The following ATP8B4 variants were observed in gnomAD, a reference collection of about 807,000 sequenced individuals.
The protein encoded by ATP8B4 is probable phospholipid-transporting ATPase IM.
ATP8B4 carries 133 observed loss-of-function variants against 145.6 expected under a neutral mutation model. That is an observed-to-expected ratio of 0.91 (90% CI 0.79 to 1.05). The LOEUF (loss-of-function observed/expected upper bound fraction) is 1.05. Among genes scored for constraint, ATP8B4 ranks in the 50% least tolerant of loss-of-function variants. ATP8B4 has a pLI of 0.00. For synonymous variants in ATP8B4, 507 were observed against 492.9 expected (o/e 1.03, Z -0.38); for missense variants, 1,458 against 1,425.2 (o/e 1.02, Z -0.37).
intron 6 of ATP8B4, among the ~76,000 whole-genome samples, chr15:50,032,122 C>A (rs1020663058): frequency 2.0e-5 from 3 of 151,996 alleles, no homozygotes; most frequent in African/African-American, 7.2e-5. Flanking sequence ...ACCTATCAAC[C>A]CGTCATCTAG....
chr15:50,085,087 C>T (rs2054810805), intron 2 of ATP8B4, among the ~76,000 whole-genome samples: 1 of 152,106 alleles, frequency 6.6e-6, no homozygotes, highest in South Asian at 2.1e-4. Context: ...GACACAGAAG[C>T]CAGTTGTTAC....
rs546776668 is a variant in ATP8B4, at chr15:49,890,204, G to A, written c.2697+7088C>T. 1.0e-3 allele frequency among the ~76,000 whole-genome samples: 153 copies of A among 152,300 alleles called. 5 individuals are homozygous for A. The South Asian group carries it at 0.031, about 31-fold the overall frequency. ...CACCCAGTTTATTGTTGGTAAATGA[G>A]CAAGCATTCAGACCACAGGTTCTGC... is the stretch of plus-strand genomic sequence containing the variant. On this transcript the variant is annotated intron_variant, in intron 23 of 27. Coordinates refer to ENST00000284509, the MANE Select transcript of ATP8B4 (RefSeq NM_024837.4).
intron 9 of ATP8B4, among the ~76,000 whole-genome samples, chr15:49,992,914 T>TCCTA: frequency 6.6e-6 from 1 of 152,266 alleles, no homozygotes; most frequent in East Asian, 1.9e-4. Context: ...AATGTTGATA[T>TCCTA]CCTATTTTAA....
chr15:49,945,911 C>G (rs1189987878), intron 14 of ATP8B4, among the ~76,000 whole-genome samples: 1 of 152,100 alleles, frequency 6.6e-6, no homozygotes, highest in Non-Finnish European at 1.5e-5. Context: ...TGTCAAAAAA[C>G]TGAAAGCTTT....
intron 3 of ATP8B4, among the ~76,000 whole-genome samples, chr15:50,072,944 CTCTCTCTCT>C (rs2053860254): frequency 4.0e-5 from 1 of 25,276 alleles, no homozygotes; most frequent in Non-Finnish European, 6.9e-5. Context: ...CTCTCTCTCT[CTCTCTCTCT>C]CTCTCTCTCT....
chr15:49,863,947 G>A (rs917222443), intron 26 of ATP8B4, among the ~76,000 whole-genome samples: 31 of 152,130 alleles, frequency 2.0e-4, no homozygotes, highest in African/African-American at 6.5e-4. Flanking sequence ...ACTTTCTCCA[G>A]TTGAGGCATT....
At chr15:49,945,347 T>C (rs763388675) in intron 14 of ATP8B4, among the ~76,000 whole-genome samples, 2 of 152,130 alleles carry the variant, frequency 1.3e-5, no homozygotes, top group Admixed American at 6.5e-5. Context: ...ATAGCTAGTA[T>C]AGAGAGTGAA....
At position 50,040,089 on chromosome 15, in the gene ATP8B4, T is replaced by C. The variant is rs28460611; in HGVS notation, c.301-1260A>G. Among the ~76,000 whole-genome samples, 1,208 of 142,438 alleles carry C rather than the reference T, an allele frequency of 8.5e-3. 21 individuals are homozygous for C. The highest frequency in any genetic ancestry group is 0.03 in the African/African-American group (1,168 of 38,434). 93.4% of individuals were successfully genotyped at this position (142,438 alleles called of 152,430 possible). On this transcript the variant is annotated intron_variant, in intron 5 of 27. Coordinates refer to ENST00000284509, the MANE Select transcript of ATP8B4 (RefSeq NM_024837.4). ...TTGCTGAATATTCTCTCCTCCACCA[T>C]ATCTACACAGCATTCGTCTCCACTC... is the stretch of plus-strand genomic sequence containing the variant.
intron 14 of ATP8B4, among the ~76,000 whole-genome samples, chr15:49,960,526 T>C (rs1354695621): frequency 6.6e-6 from 1 of 152,180 alleles, no homozygotes; most frequent in African/African-American, 2.4e-5. Flanking sequence ...ACTTATATTT[T>C]ACATCCCACA....
chr15:50,085,386 G>C (rs547495174), intron 2 of ATP8B4, among the ~76,000 whole-genome samples: 76 of 152,256 alleles, frequency 5.0e-4, no homozygotes, highest in African/African-American at 1.6e-3. Context: ...CTCGGAACCA[G>C]ATAAGGGGCA....
At chr15:50,102,057 C>A (rs926667362) in intron 2 of ATP8B4, among the ~76,000 whole-genome samples, 2 of 152,054 alleles carry the variant, frequency 1.3e-5, no homozygotes. Flanking sequence ...ATAATAGTGA[C>A]ACAACCTAAC....
chr15:49,861,242 T>C (rs1043191295), intron 27 of ATP8B4, among the ~76,000 whole-genome samples: 1 of 152,176 alleles, frequency 6.6e-6, no homozygotes, highest in African/African-American at 2.4e-5. Context: ...AAGCACATCC[T>C]TCCTTCCTTA....
Position 49,860,134 on chromosome 15 carries a change from G to A in ATP8B4, c.*60C>T, listed in dbSNP as rs2153366671. The stretch of plus-strand genomic sequence containing the variant: ...CCTCAAATCTCAAACTCTGGAGCCA[G>A]CAGAATTTCAGCTCCACCTGAAGTG... On this transcript the variant is annotated 3_prime_UTR_variant, in exon 28 of 28. Coordinates refer to ENST00000284509, the MANE Select transcript of ATP8B4 (RefSeq NM_024837.4). The A allele has an allele frequency of 5.2e-6, 8 of 1,527,616 alleles. No homozygotes were observed. Among genetic ancestry groups the A allele is most frequent in the Non-Finnish European group, 7.1e-6 (8 of 1,134,370 alleles). 94.6% of individuals were successfully genotyped at this position (1,527,616 alleles called of 1,614,324 possible).
intron 7 of ATP8B4, among the ~76,000 whole-genome samples, chr15:50,002,756 A>G (rs1406334768): frequency 6.6e-6 from 1 of 152,184 alleles, no homozygotes; most frequent in East Asian, 1.9e-4. Flanking sequence ...AGGGAGTAAG[A>G]AAGAGGAGAG....
rs1299974857 is a variant in ATP8B4 at position 50,131,762 on chromosome 15, T to C, written c.-42-24754A>G. Among the ~76,000 whole-genome samples the C allele has an allele frequency of 2.0e-5, 3 of 146,958 alleles. No individual in the cohort carries two copies. The Admixed American group carries it at 2.1e-4, about 10-fold the overall frequency. On this transcript the variant is annotated intron_variant, in intron 1 of 3. Coordinates refer to the ATP8B4 transcript ENST00000558829. ...ATTATATTCATATAATATTATATTA[T>C]ACTAATATTAACTGAAATATAAATA... is the stretch of plus-strand genomic sequence containing the variant.
intron 3 of ATP8B4, among the ~76,000 whole-genome samples, chr15:50,054,802 AAAAAAAAC>A (rs2052473618): frequency 7.2e-6 from 1 of 138,086 alleles, no homozygotes; most frequent in East Asian, 1.9e-4. Context: ...AAAAAAAAAA[AAAAAAAAC>A]AAAAAAAAAA....
chr15:50,120,553 T>C (rs1378596739), upstream of ATP8B4, among the ~76,000 whole-genome samples: 1 of 152,114 alleles, frequency 6.6e-6, no homozygotes, highest in Non-Finnish European at 1.5e-5. Flanking sequence ...TATAAATTGG[T>C]AAAATATTTT....
At chr15:50,153,660 G>C (rs1414896672) in intron 1 of ATP8B4, among the ~76,000 whole-genome samples, 6 of 152,012 alleles carry the variant, frequency 3.9e-5, no homozygotes, top group African/African-American at 1.5e-4. Context: ...AGGGGAGAAA[G>C]AGCTGAAGGC....
At chr15:50,105,964 G>C (rs962553657) in intron 2 of ATP8B4, among the ~76,000 whole-genome samples, 1 of 152,128 alleles carries the variant, frequency 6.6e-6, no homozygotes, top group African/African-American at 2.4e-5. Context: ...CTAGACTCCT[G>C]ATTAGCATTG....
Sources: allele counts gnomAD v4.1 joint callset (sites outside exome capture counted in the v4.1 genomes callset), GRCh38; gene constraint gnomAD v4.1.1; transcripts MANE v1.5; gene names NCBI Gene and HGNC (gene_info 2026-07-23, HGNC 2026-07-21).